Variants in DPP10 observed in about 807,000 individuals in gnomAD.
DPP10 encodes dipeptidyl peptidase like 10, also known as inactive dipeptidyl peptidase 10.
A neutral mutation model predicts 120.9 loss-of-function variants in DPP10; 33 were observed. The observed-to-expected ratio is 0.27, with a 90% confidence interval of 0.21 to 0.37. The LOEUF (loss-of-function observed/expected upper bound fraction) is 0.37, where lower values mean the gene tolerates loss of function less well. DPP10 is among the 10% of genes least tolerant of loss of function. The pLI is 1.00. For synonymous variants in DPP10, 337 were observed against 326.1 expected, an observed-to-expected ratio of 1.03 and a Z score of -0.36; for missense variants, 816 against 942.8, an observed-to-expected ratio of 0.87 and a Z score of 1.76.
chr2:115,698,554 G>A (rs2091718179), intron 7 of DPP10, among the ~76,000 whole-genome samples: 1 of 152,116 alleles, frequency 6.6e-6, no homozygotes, highest in African/African-American at 2.4e-5. Flanking sequence ...TTAAAAAACA[G>A]AGGAAGATCT....
At chr2:115,408,612 A>G (rs1410067007) in intron 3 of DPP10, among the ~76,000 whole-genome samples, 1 of 152,250 alleles carries the variant, frequency 6.6e-6, no homozygotes, top group Non-Finnish European at 1.5e-5. Context: ...CTGAAATCAT[A>G]TAAAGTATAT....
chr2:115,031,523 A>G (rs1011234095), intron 1 of DPP10, among the ~76,000 whole-genome samples: 2 of 152,140 alleles, frequency 1.3e-5, no homozygotes, highest in South Asian at 2.1e-4. Context: ...TTTCACCACT[A>G]CAGAGTCATT....
At chr2:115,203,122 G>T (rs1463879313) in intron 1 of DPP10, among the ~76,000 whole-genome samples, 1 of 152,068 alleles carries the variant, frequency 6.6e-6, no homozygotes, top group Non-Finnish European at 1.5e-5. Flanking sequence ...GGTGTAGAAG[G>T]TGGGGAATAA....
chr2:115,066,449 T>TA (rs1706848614), intron 1 of DPP10, among the ~76,000 whole-genome samples: 1 of 152,180 alleles, frequency 6.6e-6, no homozygotes, highest in Non-Finnish European at 1.5e-5. Context: ...AATATAAAAT[T>TA]AGAGCATGCC....
intron 1 of DPP10, among the ~76,000 whole-genome samples, chr2:115,208,132 G>C (rs538685536): frequency 1.3e-5 from 2 of 151,270 alleles, no homozygotes; most frequent in Non-Finnish European, 2.9e-5. Flanking sequence ...AAGCTAGATA[G>C]TATCAAAGCT....
rs1011581135 is a variant in DPP10, at chr2:114,783,157, A to G, written c.60+340319A>G. Among the ~76,000 whole-genome samples, 4 of 152,186 alleles carry G rather than the reference A, an allele frequency of 2.6e-5. No homozygotes were observed. In the South Asian group the frequency reaches 8.3e-4, roughly 32 times the overall value. On this transcript the variant is annotated intron_variant, in intron 1 of 25. Coordinates refer to ENST00000410059, the MANE Select transcript of DPP10 (RefSeq NM_020868.6). ...TATAAAAGCTAAATTAAAGTATCTAAAAGTAAACAAGTGTTGAAAAGATCT... is the reference window on the plus strand; with the variant it reads ...TATAAAAGCTAAATTAAAGTATCTAGAAGTAAACAAGTGTTGAAAAGATCT...
chr2:115,073,638 C>G (rs938494263), intron 1 of DPP10, among the ~76,000 whole-genome samples: 1 of 152,234 alleles, frequency 6.6e-6, no homozygotes, highest in Non-Finnish European at 1.5e-5. Context: ...ATTTTGTAAT[C>G]AGAGATTTGA....
At chr2:115,680,352 A>G (rs1305820282) in intron 5 of DPP10, among the ~76,000 whole-genome samples, 1 of 152,014 alleles carries the variant, frequency 6.6e-6, no homozygotes, top group Non-Finnish European at 1.5e-5. Context: ...TTACAATTAA[A>G]TGTGTTTTAA....
intron 1 of DPP10, among the ~76,000 whole-genome samples, chr2:115,141,435 G>T (rs1471623839): frequency 6.6e-6 from 1 of 152,126 alleles, no homozygotes; most frequent in Non-Finnish European, 1.5e-5. Flanking sequence ...TCATTTTAGA[G>T]GTGAATAAAG....
intron 2 of DPP10, among the ~76,000 whole-genome samples, chr2:115,336,438 A>G (rs1027690476): frequency 2.0e-5 from 3 of 151,922 alleles, no homozygotes; most frequent in Admixed American, 6.6e-5. Flanking sequence ...TAAACCATAT[A>G]TTTATTTGGA....
At chr2:114,732,271 C>T (rs1676994543) in intron 1 of DPP10, among the ~76,000 whole-genome samples, 1 of 152,154 alleles carries the variant, frequency 6.6e-6, no homozygotes, top group Non-Finnish European at 1.5e-5. Context: ...AAACTGGACA[C>T]ACGACTACAA....
intron 3 of DPP10, among the ~76,000 whole-genome samples, chr2:115,362,034 T>C (rs1015815746): frequency 5.9e-5 from 9 of 151,774 alleles, no homozygotes; most frequent in African/African-American, 2.2e-4. Flanking sequence ...TGTGTGTATG[T>C]TTTGTGTGTA....
intron 3 of DPP10, among the ~76,000 whole-genome samples, chr2:115,445,820 A>G (rs1313757604): frequency 6.6e-6 from 1 of 152,188 alleles, no homozygotes; most frequent in Non-Finnish European, 1.5e-5. Context: ...CAATGAGGAA[A>G]ATGTCTTCAG....
intron 5 of DPP10, among the ~76,000 whole-genome samples, chr2:115,638,512 C>G (rs1379012534): frequency 6.6e-6 from 1 of 152,126 alleles, no homozygotes; most frequent in Non-Finnish European, 1.5e-5. Flanking sequence ...ATCTTGAATT[C>G]TAGGTCAAAA....
Position 115,844,218 on chromosome 2 carries a change from A to G in DPP10, c.*1873A>G, listed in dbSNP as rs1690426140. 6.6e-6 allele frequency: 1 copy of G among 152,578 alleles called. No individual in the cohort carries two copies. Among genetic ancestry groups the G allele is most frequent in the Non-Finnish European group, 1.5e-5 (1 of 68,016 alleles). The allele number at this position is 152,578 out of a possible 1,614,324, so 9.5% of individuals were successfully genotyped here. A position where few individuals can be genotyped will look rare whatever the true frequency, so the allele number is the denominator to read the frequency against. ...AAATTTCTTTTTAGGCTAATTTGAA[A>G]TCCAACTGAAGCTTTTTAACCAATA... On this transcript the variant is annotated 3_prime_UTR_variant, in exon 26 of 26. Transcript: ENST00000410059.
At chr2:115,417,681 T>C (rs1436303941) in intron 3 of DPP10, among the ~76,000 whole-genome samples, 1 of 152,194 alleles carries the variant, frequency 6.6e-6, no homozygotes, top group Admixed American at 6.5e-5. Flanking sequence ...TCAATCTAGA[T>C]AGCCTGGTTC....
intron 1 of DPP10, among the ~76,000 whole-genome samples, chr2:114,679,115 C>G (rs897245863): frequency 2.0e-5 from 3 of 152,008 alleles, no homozygotes; most frequent in Non-Finnish European, 2.9e-5. Flanking sequence ...GATTACACCC[C>G]AGTGGTTCAT....
At chr2:115,675,857 A>G (rs867803863) in intron 5 of DPP10, among the ~76,000 whole-genome samples, 12 of 152,146 alleles carry the variant, frequency 7.9e-5, no homozygotes, top group Admixed American at 7.2e-4. Context: ...TTCCCTGAGG[A>G]CGAATAGCCC....
intron 1 of DPP10, among the ~76,000 whole-genome samples, chr2:115,114,804 C>A: frequency 6.6e-6 from 1 of 152,160 alleles, no homozygotes; most frequent in Admixed American, 6.6e-5. Context: ...TGCCTCTATT[C>A]TGATTGTAAC....
Sources: gnomAD v4.1 joint callset for allele counts (sites outside exome capture counted in the v4.1 genomes callset) on GRCh38, gnomAD v4.1.1 for gene constraint, MANE v1.5 for transcripts, NCBI Gene and HGNC (gene_info 2026-07-23, HGNC 2026-07-21) for gene names.